Variants in RPS6KC1 observed in about 807,000 individuals in gnomAD.
RPS6KC1 encodes the protein inactive ribosomal protein S6 kinase delta-1.
In RPS6KC1, 54 loss-of-function variants were observed where a neutral mutation model predicts 103.8. That is an observed-to-expected ratio of 0.52 (90% CI 0.42 to 0.65). The LOEUF is 0.65. Among genes scored for constraint, RPS6KC1 ranks in the 30% least tolerant of loss-of-function variants. RPS6KC1 has a pLI of 0.00. For missense variants in RPS6KC1, 1,151 were observed against 1,253.8 expected, an observed-to-expected ratio of 0.92 and a Z score of 1.24; for synonymous variants, 439 against 438.7, an observed-to-expected ratio of 1.00 and a Z score of -0.01.
At chr1:213,707,564 A>G in the RPS6KC1 span, among the ~76,000 whole-genome samples, 3 of 152,134 alleles carry the variant, frequency 2.0e-5, no homozygotes, top group African/African-American at 2.4e-5. Context: ...TCATTTGTCA[A>G]TTTTGACTTT....
chr1:213,473,247 T>C, the RPS6KC1 span, among the ~76,000 whole-genome samples: 1 of 152,228 alleles, frequency 6.6e-6, no homozygotes, highest in Non-Finnish European at 1.5e-5. Flanking sequence ...ATGCTCATAG[T>C]CAGGCCAGTA....
At chr1:213,283,007 T>G in the RPS6KC1 span, among the ~76,000 whole-genome samples, 8 of 152,332 alleles carry the variant, frequency 5.3e-5, no homozygotes, top group South Asian at 2.1e-4. Flanking sequence ...GATCTGTGAT[T>G]GGAAACTAGA....
At chr1:213,721,424 T>C in the RPS6KC1 span, among the ~76,000 whole-genome samples, 34 of 152,232 alleles carry the variant, frequency 2.2e-4, no homozygotes, top group African/African-American at 7.5e-4. Flanking sequence ...CTGATGGTTT[T>C]ATAAGGGGAA....
the RPS6KC1 span, among the ~76,000 whole-genome samples, chr1:213,714,817 G>C: frequency 2.6e-5 from 4 of 152,152 alleles, no homozygotes; most frequent in East Asian, 1.9e-4. Context: ...TGCCGCTGGT[G>C]GGGGTGGAGG....
At chr1:213,768,964 GC>G in the RPS6KC1 span, among the ~76,000 whole-genome samples, 1 of 152,206 alleles carries the variant, frequency 6.6e-6, no homozygotes, top group African/African-American at 2.4e-5. Context: ...GTGAAGATAA[GC>G]CCCGTTCACC....
At chr1:213,854,262 C>T in the RPS6KC1 span, among the ~76,000 whole-genome samples, 89 of 152,288 alleles carry the variant, frequency 5.8e-4, no homozygotes, top group African/African-American at 1.8e-3. Context: ...CTGTAGCAGT[C>T]GACTCATTTT....
At chr1:213,817,714 C>A in the RPS6KC1 span, 1 of 152,286 alleles carries the variant, frequency 6.6e-6, no homozygotes, top group Admixed American at 6.5e-5. Flanking sequence ...TCTATTTCCT[C>A]TTCTATAAAA....
chr1:213,257,884 A>G (rs962990768), intron 12 of RPS6KC1, among the ~76,000 whole-genome samples: 1 of 126,268 alleles, frequency 7.9e-6, no homozygotes, highest in African/African-American at 3.0e-5. Context: ...GCTCACTGCA[A>G]CCCTTGCTTC....
chr1:213,780,169 G>C, the RPS6KC1 span, among the ~76,000 whole-genome samples: 1 of 152,190 alleles, frequency 6.6e-6, no homozygotes, highest in Admixed American at 6.5e-5. Context: ...ATGGTATCTG[G>C]AAATGCTCTT....
intron 1 of RPS6KC1, among the ~76,000 whole-genome samples, chr1:213,058,239 A>G (rs889334613): frequency 1.3e-5 from 2 of 151,776 alleles, no homozygotes; most frequent in African/African-American, 4.8e-5. Flanking sequence ...CTGCACCCAG[A>G]CAGTGTTTTT....
intron 6 of RPS6KC1, among the ~76,000 whole-genome samples, chr1:213,144,081 C>G (rs77628727): frequency 0.022 from 3,381 of 152,082 alleles, 124 homozygotes; most frequent in African/African-American, 0.077. Flanking sequence ...TGCCCTATAT[C>G]AAAACCCTTA....
At chr1:213,083,911 C>A (rs1439693697) in intron 3 of RPS6KC1, among the ~76,000 whole-genome samples, 1 of 152,180 alleles carries the variant, frequency 6.6e-6, no homozygotes, top group African/African-American at 2.4e-5. Context: ...ATGCTCCCAC[C>A]TCCCCTCCAT....
chr1:213,601,045 A>G, the RPS6KC1 span, among the ~76,000 whole-genome samples: 1 of 152,224 alleles, frequency 6.6e-6, no homozygotes, highest in African/African-American at 2.4e-5. Context: ...AGGCAAGAAC[A>G]AATAAATGAT....
At chr1:213,601,193 G>C in the RPS6KC1 span, among the ~76,000 whole-genome samples, 1 of 151,756 alleles carries the variant, frequency 6.6e-6, no homozygotes, top group Non-Finnish European at 1.5e-5. Context: ...TTGAGGCAGT[G>C]GTTCATATTT....
At chr1:213,654,573 G>C in the RPS6KC1 span, among the ~76,000 whole-genome samples, 1 of 152,106 alleles carries the variant, frequency 6.6e-6, no homozygotes, top group African/African-American at 2.4e-5. Flanking sequence ...CATGCTCCAG[G>C]AATGTCTCAA....
At chr1:213,398,864 C>G in the RPS6KC1 span, among the ~76,000 whole-genome samples, 13 of 152,024 alleles carry the variant, frequency 8.6e-5, no homozygotes, top group East Asian at 1.2e-3. Flanking sequence ...AAAGTCATCC[C>G]CATAATATTC....
intron 7 of RPS6KC1, among the ~76,000 whole-genome samples, chr1:213,171,026 A>C (rs1002604757): frequency 6.6e-6 from 1 of 152,106 alleles, no homozygotes; most frequent in Non-Finnish European, 1.5e-5. Context: ...TGGCTTTTTA[A>C]ATTTTTGTTA....
At chr1:213,813,384 T>C in the RPS6KC1 span, among the ~76,000 whole-genome samples, 3 of 151,518 alleles carry the variant, frequency 2.0e-5, no homozygotes, top group Non-Finnish European at 4.4e-5. Flanking sequence ...CAGCCCAGCC[T>C]GTTCCATGTT....
intron 8 of RPS6KC1, among the ~76,000 whole-genome samples, chr1:213,217,144 AAG>A (rs1211385971): frequency 6.6e-6 from 1 of 151,756 alleles, no homozygotes; most frequent in Non-Finnish European, 1.5e-5. Flanking sequence ...TACAGAAGAA[AAG>A]AGAGAAGAAT....
Sources: allele counts gnomAD v4.1 joint callset (sites outside exome capture counted in the v4.1 genomes callset), GRCh38; gene constraint gnomAD v4.1.1; transcripts MANE v1.5; gene names NCBI Gene and HGNC (gene_info 2026-07-23, HGNC 2026-07-21).